TMC5: variants seen among roughly 807,000 people sequenced by gnomAD.
TMC5 encodes the protein transmembrane channel like 5.
TMC5 carries 86 observed loss-of-function variants against 110.5 expected under a neutral mutation model. The observed-to-expected ratio is 0.78, with a 90% CI of 0.65 to 0.93. The LOEUF (loss-of-function observed/expected upper bound fraction) is 0.93. TMC5 is among the 40% of genes least tolerant of loss of function. The probability of loss-of-function intolerance (pLI) is 0.00; values close to 1 mark genes in which losing one functional copy is unlikely to be tolerated. For missense variants in TMC5, 1,144 were observed against 1,222.8 expected, an observed-to-expected ratio of 0.94 and a Z score of 0.96; for synonymous variants, 455 against 439.5, an observed-to-expected ratio of 1.04 and a Z score of -0.44.
Position 19,423,958 on chromosome 16 carries a change from C to T in TMC5, c.-308+5866C>T, listed in dbSNP as rs376436334. On this transcript the variant is annotated intron_variant, in intron 1 of 21. Coordinates refer to ENST00000542583, the MANE Select transcript of TMC5 (RefSeq NM_001261841.2). ...TAGTAGAGACAGGGTTTTGACATGT[C>T]GGCCAGGCTTGTCTCAAACTCCTGA... Among the ~76,000 whole-genome samples the T allele has an allele frequency of 8.5e-5, 13 of 152,130 alleles. No homozygotes were observed. In the East Asian group the frequency reaches 1.9e-3, roughly 23 times the overall value.
At chr16:19,462,739 A>G (rs1451556620) in intron 6 of TMC5, among the ~76,000 whole-genome samples, 1 of 151,946 alleles carries the variant, frequency 6.6e-6, no homozygotes, top group Non-Finnish European at 1.5e-5. Context: ...CATCTCTACT[A>G]AAAATACAAA....
In TMC5 at chr16:19,463,828, T is replaced by C. The variant is rs1476189107; in HGVS notation, c.1289T>C (p.Leu430Pro). 2 of 1,614,214 alleles carry C rather than the reference T, an allele frequency of 1.2e-6. No individual in the cohort carries two copies. The highest frequency in any genetic ancestry group is 1.7e-5 in the Admixed American group (1 of 60,016). Residue 430 changes from leucine to proline, a missense_variant, in exon 8 of 22, where the codon CTG becomes CCG. Coordinates refer to ENST00000542583, the MANE Select transcript of TMC5 (RefSeq NM_001261841.2). The stretch of plus-strand genomic sequence containing the variant: ...TCGGAAATTCTGAATTCCATCAGCC[T>C]GTGGCAGAAGACGCTGAAGATCATT... The part of the protein sequence containing the change: ...SLSEILNSIS[L>P]WQKTLKIIGG...
intron 19 of TMC5, among the ~76,000 whole-genome samples, chr16:19,492,915 G>GATAGATAGATATATATATATAT (rs58561457): frequency 2.1e-4 from 9 of 42,750 alleles, no homozygotes; most frequent in African/African-American, 4.3e-4. Flanking sequence ...TTAAAACTTA[G>GATAGATAGATATATATATATAT]ATATATATAT....
At chr16:19,462,762 A>C (rs1968057939) in intron 6 of TMC5, among the ~76,000 whole-genome samples, 1 of 151,864 alleles carries the variant, frequency 6.6e-6, no homozygotes, top group Admixed American at 6.6e-5. Context: ...TTAGCTGGGC[A>C]TGGTGGGCGC....
chr16:19,445,189 ATGT>A (rs1967586434), intron 4 of TMC5, among the ~76,000 whole-genome samples: 1 of 152,106 alleles, frequency 6.6e-6, no homozygotes, highest in African/African-American at 2.4e-5. Flanking sequence ...TTGAAAAATC[ATGT>A]TGTCCTCATA....
At chr16:19,463,175 C>T (rs1968071739) in intron 6 of TMC5, 105 bp from the exon 7 acceptor site, 1 of 842,542 alleles carries the variant, frequency 1.2e-6, no homozygotes, top group East Asian at 2.6e-5. Context: ...CTTGCCTCAG[C>T]TTCCGAAGTG....
At chr16:19,470,897 G>A (rs574795136) in intron 10 of TMC5, among the ~76,000 whole-genome samples, 38 of 151,922 alleles carry the variant, frequency 2.5e-4, no homozygotes, top group African/African-American at 4.3e-4. Context: ...GTAGCCGGGC[G>A]TGGTGGCGGG....
chr16:19,490,592 T>G, intron 18 of TMC5, 24 bp downstream of exon 18: 3 of 1,613,490 alleles, frequency 1.9e-6, no homozygotes, highest in Non-Finnish European at 2.5e-6. Context: ...CCGGGGAATC[T>G]AGCAGGGAAA....
intron 4 of TMC5, among the ~76,000 whole-genome samples, chr16:19,448,133 G>A (rs1007174033): frequency 6.8e-6 from 1 of 146,466 alleles, no homozygotes; most frequent in Admixed American, 6.9e-5. Context: ...TCCAGCCTGT[G>A]TGACAGAGCA....
chr16:19,490,759 C>CTTCCTTCT (rs1191920611), intron 18 of TMC5, among the ~76,000 whole-genome samples, 191 bp downstream of exon 18: 24 of 53,522 alleles, frequency 4.5e-4, no homozygotes, highest in African/African-American at 1.7e-4. Context: ...TCCTTCCTTC[C>CTTCCTTCT]TTCCCTTCCT....
chr16:19,460,404 T>A, intron 6 of TMC5, 70 bp downstream of exon 6: 1 of 1,101,248 alleles, frequency 9.1e-7, no homozygotes, highest in Non-Finnish European at 1.3e-6. Flanking sequence ...TTGCCCCATC[T>A]CAAAAAGATA....
chr16:19,459,359 T>C lies in TMC5; in HGVS notation c.1049-876T>C, dbSNP rs191449245. Among the ~76,000 whole-genome samples, 118 of 152,250 alleles carry C rather than the reference T, an allele frequency of 7.8e-4. No homozygotes were observed. The Middle Eastern group carries it at 0.01, about 13-fold the overall frequency. On this transcript the variant is annotated intron_variant, in intron 5 of 21. Coordinates refer to ENST00000542583, the MANE Select transcript of TMC5 (RefSeq NM_001261841.2). Reference sequence around the variant, plus strand: ...CTGCCACATTGACTGCAAATGTGAATATGAGTTAGCAGGAGAAAAGGAGGG... The same window carrying C: ...CTGCCACATTGACTGCAAATGTGAACATGAGTTAGCAGGAGAAAAGGAGGG...
At chr16:19,458,935 T>C (rs1967952953) in intron 5 of TMC5, among the ~76,000 whole-genome samples, 1 of 152,196 alleles carries the variant, frequency 6.6e-6, no homozygotes, top group African/African-American at 2.4e-5. Context: ...ACGGTATCGC[T>C]GCCCCGCCTG....
chr16:19,492,314 A>T, intron 19 of TMC5, 86 bp downstream of exon 19: 1 of 920,952 alleles, frequency 1.1e-6, no homozygotes, highest in Admixed American at 1.9e-5. Context: ...AGAATACTAC[A>T]ATGAACTCTC....
Position 19,440,150 on chromosome 16 carries a change from G to T in TMC5, c.112G>T (p.Val38Phe). ...TTTGAAAACTCAAGGTTATCCAGATGTTCCAGGTCCTCTGAACAATCCAGA... is the reference window on the plus strand; with the variant it reads ...TTTGAAAACTCAAGGTTATCCAGATTTTCCAGGTCCTCTGAACAATCCAGA... Reference protein sequence around the residue: ...GYLKTQGYPDVPGPLNNPDYP... With the variant: ...GYLKTQGYPDFPGPLNNPDYP... Residue 38 changes from valine (V) to phenylalanine (F), a missense_variant, in exon 3 of 22, where the codon GTT (valine) becomes TTT (phenylalanine). Physicochemically the swap from Val to Phe is conservative, Grantham distance 50. Coordinates refer to ENST00000542583, the MANE Select transcript of TMC5 (RefSeq NM_001261841.2). 6.2e-7 allele frequency: 1 copy of T among 1,614,124 alleles called. No individual in the cohort carries two copies. Among genetic ancestry groups the T allele is most frequent in the Non-Finnish European group, 8.5e-7 (1 of 1,180,026 alleles).
intron 19 of TMC5, among the ~76,000 whole-genome samples, chr16:19,492,942 A>ATATATATATATATATATATATAT (rs57619005): frequency 3.7e-5 from 4 of 107,660 alleles, no homozygotes; most frequent in Non-Finnish European, 8.1e-5. Context: ...ATCTCTCTAT[A>ATATATATATATATATATATATAT]AGATAAATAC....
intron 2 of TMC5, among the ~76,000 whole-genome samples, chr16:19,434,445 CTATTA>C (rs1967293210): frequency 8.8e-6 from 1 of 113,758 alleles, no homozygotes; most frequent in East Asian, 2.6e-4. Context: ...TCATATATAT[CTATTA>C]TATATCTATA....
At chr16:19,443,787 G>T (rs1406315066) in intron 3 of TMC5, among the ~76,000 whole-genome samples, 2 of 151,832 alleles carry the variant, frequency 1.3e-5, no homozygotes, top group Non-Finnish European at 2.9e-5. Flanking sequence ...GATGGTAAAT[G>T]GATGGATGGA....
At chr16:19,448,494 T>C (rs955760117) in intron 4 of TMC5, among the ~76,000 whole-genome samples, 1 of 151,554 alleles carries the variant, frequency 6.6e-6, no homozygotes, top group African/African-American at 2.4e-5. Context: ...TGGTGCATGC[T>C]TGTAGTCCCA....
Sources: gnomAD v4.1 joint callset for allele counts (sites outside exome capture counted in the v4.1 genomes callset) on GRCh38, gnomAD v4.1.1 for gene constraint, MANE v1.5 for transcripts, NCBI Gene and HGNC (gene_info 2026-07-23, HGNC 2026-07-21) for gene names.